The following WAC variants were observed in gnomAD, a reference collection of about 807,000 sequenced individuals.
WAC encodes WW domain containing adaptor with coiled-coil.
WAC carries 11 observed loss-of-function variants against 79.6 expected under a neutral mutation model. The observed-to-expected ratio is 0.14, with a 90% confidence interval of 0.09 to 0.23. The LOEUF (loss-of-function observed/expected upper bound fraction) is 0.23, where lower values mean the gene tolerates loss of function less well. Among genes scored for constraint, WAC ranks in the 10% least tolerant of loss-of-function variants. The pLI is 1.00. For synonymous variants in WAC, 304 were observed against 276.9 expected (o/e 1.10, Z -0.97); for missense variants, 728 against 773.5 (o/e 0.94, Z 0.70).
intron 7 of WAC, among the ~76,000 whole-genome samples, chr10:28,605,842 C>T (rs1018336057): frequency 2.0e-5 from 3 of 151,954 alleles, no homozygotes; most frequent in African/African-American, 7.3e-5. Context: ...ACAGAAATAA[C>T]AAAGAATGAG....
At position 28,590,816 on chromosome 10, in the gene WAC, T is replaced by C. The variant is rs780939050; in HGVS notation, c.594T>C (p.Ser198=). 6.2e-7 allele frequency: 1 copy of C among 1,609,738 alleles called. No individual in the cohort carries two copies. The highest frequency in any genetic ancestry group is 2.2e-5 in the East Asian group (1 of 44,764). Residue 198 remains serine (S), a synonymous_variant, in exon 6 of 14, where the codon AGT becomes AGC. Transcript: ENST00000354911. ...RREVMQATAT[S]GFASGMEDKH... is the part of the protein sequence containing the mutation. ...AGGTGATGCAAGCAACAGCCACTAG[T>C]GGGTTTGCCAGTGGAAGTAAGTATT...
chr10:28,580,573 G>A (rs999344404), intron 3 of WAC, among the ~76,000 whole-genome samples: 1 of 152,054 alleles, frequency 6.6e-6, no homozygotes, highest in African/African-American at 2.4e-5. Context: ...GATTACTCTG[G>A]GATTTATTTC....
rs922941687 is a variant in WAC, at chr10:28,533,761, C to CGCGG, written c.41+155_41+158dup. On this transcript the variant is annotated intron_variant, in intron 1 of 13. Coordinates refer to ENST00000354911, the MANE Select transcript of WAC (RefSeq NM_016628.5). ...TCGGGTTGGGGAGGAGGAGCGGCCG[C>CGCGG]GCGGGCGGGCGGGCGGGAACGCAGT... 2.1e-4 allele frequency: 164 copies of CGCGG among 775,024 alleles called. 1 individual carries two copies. Among genetic ancestry groups the CGCGG allele is most frequent in the African/African-American group, 1.1e-3 (56 of 53,036 alleles). The allele number at this position is 775,024 out of a possible 1,614,324, so 48.0% of individuals were successfully genotyped here.
intron 3 of WAC, among the ~76,000 whole-genome samples, chr10:28,568,884 A>G (rs1838796412): frequency 1.3e-5 from 2 of 152,178 alleles, no homozygotes; most frequent in Admixed American, 6.5e-5. Context: ...AGTTCTTTTT[A>G]TATGAGTTGG....
Position 28,620,551 on chromosome 10 carries a change from T to G in WAC, c.*945T>G, listed in dbSNP as rs1419718127. 6.6e-6 allele frequency: 1 copy of G among 152,666 alleles called. No individual in the cohort carries two copies. Among genetic ancestry groups the G allele is most frequent in the Non-Finnish European group, 1.5e-5 (1 of 68,044 alleles). 9.5% of individuals were successfully genotyped at this position (152,666 alleles called of 1,614,324 possible). On this transcript the variant is annotated 3_prime_UTR_variant, in exon 14 of 14. Transcript: ENST00000354911. Reference sequence around the variant, plus strand: ...TGTTAAAACAAACAAAAATTGTTATTTTTCTTTTCCTTCGGTCAGTGCACA... The same window carrying G: ...TGTTAAAACAAACAAAAATTGTTATGTTTCTTTTCCTTCGGTCAGTGCACA...
chr10:28,542,161 A>G (rs968609823), intron 3 of WAC, among the ~76,000 whole-genome samples: 10 of 151,974 alleles, frequency 6.6e-5, no homozygotes, highest in Admixed American at 1.3e-4. Context: ...TGTTTCTCCT[A>G]CTGTGCTCAC....
chr10:28,606,691 A>C (rs1333057909), intron 7 of WAC, among the ~76,000 whole-genome samples: 2 of 152,160 alleles, frequency 1.3e-5, no homozygotes, highest in Non-Finnish European at 2.9e-5. Flanking sequence ...TTAAAGAAAT[A>C]GGTTGTTTCT....
At chr10:28,539,719 C>T (rs759986376) in intron 3 of WAC, among the ~76,000 whole-genome samples, 16 of 152,018 alleles carry the variant, frequency 1.1e-4, no homozygotes, top group African/African-American at 2.2e-4. Context: ...CCATCATGCC[C>T]GGCTAATTTT....
At chr10:28,606,625 T>C (rs573962611) in intron 7 of WAC, among the ~76,000 whole-genome samples, 1 of 152,306 alleles carries the variant, frequency 6.6e-6, no homozygotes, top group African/African-American at 2.4e-5. Flanking sequence ...AAAAGACTCA[T>C]AGGGGAGTCT....
At chr10:28,566,718 A>T (rs902503184) in intron 3 of WAC, among the ~76,000 whole-genome samples, 1 of 152,226 alleles carries the variant, frequency 6.6e-6, no homozygotes, top group Non-Finnish European at 1.5e-5. Flanking sequence ...ACTGTGGAAA[A>T]GTCCAAGGTC....
chr10:28,540,919 A>G (rs1836977721), intron 3 of WAC, among the ~76,000 whole-genome samples: 1 of 152,128 alleles, frequency 6.6e-6, no homozygotes, highest in Admixed American at 6.5e-5. Context: ...TGATGTAAGC[A>G]TCTGTGCATG....
rs1317767032 is a variant in WAC at position 28,595,977 on chromosome 10, A to T, written c.855A>T (p.Ala285=). ...AGAAATCATTTGATGCTAATGGAGCATCTACTTTATCAAAACTGCCTACAC... is the reference window on the plus strand; with the variant it reads ...AGAAATCATTTGATGCTAATGGAGCTTCTACTTTATCAAAACTGCCTACAC... The part of the protein sequence containing the change: ...QPKKSFDANG[A]STLSKLPTPT... The change falls in exon 7 of 14, where the codon GCA becomes GCT. Residue 285 remains alanine (A), a synonymous_variant. Transcript: ENST00000354911. The T allele has an allele frequency of 6.2e-7, 1 of 1,614,178 alleles. No homozygotes were observed. Among genetic ancestry groups the T allele is most frequent in the East Asian group, 2.2e-5 (1 of 44,880 alleles).
At chr10:28,555,784 CTTT>C (rs1837947466) in intron 3 of WAC, among the ~76,000 whole-genome samples, 1 of 152,078 alleles carries the variant, frequency 6.6e-6, no homozygotes. Context: ...GCATTGGTGG[CTTT>C]GTAAGAAGAG....
intron 7 of WAC, among the ~76,000 whole-genome samples, chr10:28,596,663 G>A (rs1370107974): frequency 6.6e-6 from 1 of 152,188 alleles, no homozygotes; most frequent in Non-Finnish European, 1.5e-5. Flanking sequence ...AACATAAGCA[G>A]TGTGATAAAA....
intron 3 of WAC, among the ~76,000 whole-genome samples, chr10:28,543,188 A>G (rs994753282): frequency 6.6e-6 from 1 of 152,176 alleles, no homozygotes; most frequent in Non-Finnish European, 1.5e-5. Context: ...CTCGGGTGAT[A>G]CCTACACTTC....
At chr10:28,553,030 G>A (rs1564380944) in intron 3 of WAC, among the ~76,000 whole-genome samples, 1 of 151,934 alleles carries the variant, frequency 6.6e-6, no homozygotes, top group African/African-American at 2.4e-5. Flanking sequence ...AACTTTCCCT[G>A]CCCGAGGTAG....
chr10:28,552,845 C>CTTTTTTTTT (rs3029447), intron 3 of WAC, among the ~76,000 whole-genome samples: 2,477 of 84,376 alleles, frequency 0.029, 4 homozygotes, highest in Middle Eastern at 0.053. Context: ...CACTTGGCTG[C>CTTTTTTTTT]TTTTTTTTTT....
In WAC at chr10:28,533,222, G is replaced by C. The variant is rs1836371578; in HGVS notation, c.-358G>C. 1 of 170,732 alleles carries C rather than the reference G, an allele frequency of 5.9e-6. No individual in the cohort carries two copies. The highest frequency in any genetic ancestry group is 2.4e-5 in the African/African-American group (1 of 41,582). 10.6% of individuals were successfully genotyped at this position (170,732 alleles called of 1,614,324 possible). ...GAAGGACCAGGCGGCGGCAGCAGCG[G>C]CGGCGGCGGGGGGAGGAGGGGAGGA... On this transcript the variant is annotated 5_prime_UTR_variant, in exon 1 of 14. Transcript: ENST00000354911.
At chr10:28,557,924 A>C (rs1838084744) in intron 3 of WAC, among the ~76,000 whole-genome samples, 1 of 151,916 alleles carries the variant, frequency 6.6e-6, no homozygotes, top group Non-Finnish European at 1.5e-5. Flanking sequence ...AATACAAAAA[A>C]TTAGCCGGGT....
Sources: allele counts gnomAD v4.1 joint callset (sites outside exome capture counted in the v4.1 genomes callset), GRCh38; gene constraint gnomAD v4.1.1; transcripts MANE v1.5; gene names NCBI Gene and HGNC (gene_info 2026-07-23, HGNC 2026-07-21).